Variants in RORB observed in about 807,000 individuals in gnomAD.
RORB encodes RAR related orphan receptor B, also known as nuclear receptor ROR-beta.
RORB carries 6 observed loss-of-function variants against 59.1 expected under a neutral mutation model. The ratio of observed to expected loss-of-function variants is 0.10; its 90% CI spans 0.06 to 0.20. The LOEUF (loss-of-function observed/expected upper bound fraction) is 0.20. Among genes scored for constraint, RORB ranks in the 10% least tolerant of loss-of-function variants. The probability of loss-of-function intolerance (pLI) is 1.00; values close to 1 mark genes in which losing one functional copy is unlikely to be tolerated. For synonymous variants in RORB, 215 were observed against 204.5 expected, an observed-to-expected ratio of 1.05 and a Z score of -0.44; for missense variants, 320 against 560.5, an observed-to-expected ratio of 0.57 and a Z score of 4.33.
chr9:74,662,452 T>A, intron 5 of RORB, 22 bp from the exon 6 acceptor site: 1 of 1,613,246 alleles, frequency 6.2e-7, no homozygotes, highest in Non-Finnish European at 8.5e-7. Context: ...CCTATTTACA[T>A]TCTGTGTCTT....
chr9:74,576,739 C>T (rs750885786), intron 1 of RORB, among the ~76,000 whole-genome samples: 4 of 152,004 alleles, frequency 2.6e-5, no homozygotes, highest in South Asian at 4.1e-4. Flanking sequence ...TTTTTAGTTT[C>T]GTGCTGGTAG....
intron 4 of RORB, among the ~76,000 whole-genome samples, chr9:74,645,959 A>G (rs1587403678): frequency 6.6e-6 from 1 of 152,128 alleles, no homozygotes; most frequent in East Asian, 1.9e-4. Context: ...AGGCACTACA[A>G]ACTGGAGCTT....
At chr9:74,506,130 A>T (rs1291473954) in intron 1 of RORB, among the ~76,000 whole-genome samples, 2 of 151,988 alleles carry the variant, frequency 1.3e-5, no homozygotes, top group Non-Finnish European at 2.9e-5. Context: ...CTATTATCTG[A>T]AAGTAGTGAT....
chr9:74,577,855 C>A (rs1229540103), intron 1 of RORB, among the ~76,000 whole-genome samples: 2 of 152,100 alleles, frequency 1.3e-5, no homozygotes, highest in African/African-American at 4.8e-5. Flanking sequence ...GTAGTAATTG[C>A]TTTTGTTCAA....
chr9:74,583,449 C>G (rs746002370), intron 1 of RORB, among the ~76,000 whole-genome samples: 3 of 151,758 alleles, frequency 2.0e-5, no homozygotes, highest in Non-Finnish European at 4.4e-5. Flanking sequence ...TTATTATATC[C>G]TGAATTTGGG....
At chr9:74,682,621 C>T (rs1008374352) in intron 9 of RORB, among the ~76,000 whole-genome samples, 3 of 152,026 alleles carry the variant, frequency 2.0e-5, no homozygotes, top group Non-Finnish European at 2.9e-5. Context: ...ATTACTTGAC[C>T]CCCACCAAAC....
At chr9:74,511,854 A>G (rs1825944844) in intron 1 of RORB, among the ~76,000 whole-genome samples, 1 of 151,368 alleles carries the variant, frequency 6.6e-6, no homozygotes, top group Non-Finnish European at 1.5e-5. Flanking sequence ...TGCACCAGAC[A>G]CTATCTTAAG....
At chr9:74,616,568 C>A (rs1018068618) in intron 1 of RORB, among the ~76,000 whole-genome samples, 2 of 152,118 alleles carry the variant, frequency 1.3e-5, no homozygotes, top group Non-Finnish European at 2.9e-5. Flanking sequence ...TTTCTGACAT[C>A]AATGGAGTCT....
chr9:74,668,325 T>C (rs940827465), intron 8 of RORB, among the ~76,000 whole-genome samples: 8 of 152,248 alleles, frequency 5.3e-5, no homozygotes, highest in African/African-American at 1.9e-4. Context: ...GAACACTTTC[T>C]ACTCTTTAAA....
chr9:74,564,535 C>A (rs1001333763), intron 1 of RORB, among the ~76,000 whole-genome samples: 5 of 152,174 alleles, frequency 3.3e-5, no homozygotes, highest in African/African-American at 1.2e-4. Context: ...TGCTGAAAAG[C>A]ATTGTACTTG....
intron 1 of RORB, among the ~76,000 whole-genome samples, chr9:74,545,580 A>G (rs1826474366): frequency 6.6e-6 from 1 of 152,214 alleles, no homozygotes. Context: ...AGTACCCTCA[A>G]GAAGAAAAAC....
intron 4 of RORB, among the ~76,000 whole-genome samples, chr9:74,656,886 A>G (rs377467585): frequency 1.3e-5 from 2 of 152,200 alleles, no homozygotes; most frequent in Non-Finnish European, 2.9e-5. Flanking sequence ...GTTTACTCAG[A>G]CATCCCTACT....
intron 1 of RORB, among the ~76,000 whole-genome samples, chr9:74,538,845 T>A (rs1340194015): frequency 2.0e-5 from 3 of 152,094 alleles, no homozygotes; most frequent in Admixed American, 2.0e-4. Context: ...GCATTTCTAA[T>A]CCAAGATTGT....
intron 2 of RORB, among the ~76,000 whole-genome samples, chr9:74,631,433 T>C (rs755512354): frequency 3.4e-4 from 49 of 145,186 alleles, no homozygotes; most frequent in Non-Finnish European, 3.6e-4. Flanking sequence ...GCCAGTAAAC[T>C]GAAGGAAGTG....
rs573515125 is a variant in RORB at position 74,606,833 on chromosome 9, C to T, written c.8-23449C>T. Among the ~76,000 whole-genome samples, 92 of 152,242 alleles carry T rather than the reference C, an allele frequency of 6.0e-4. 1 individual carries two copies. The highest frequency in any genetic ancestry group is 2.0e-3 in the Admixed American group (30 of 15,286). On this transcript the variant is annotated intron_variant, in intron 1 of 9. Transcript: ENST00000376896. ...TTTGTACAGAAAGAAAAGAAACAGACTGAGATCTAAAAAATAGCAATAAAT... is the reference window on the plus strand; with the variant it reads ...TTTGTACAGAAAGAAAAGAAACAGATTGAGATCTAAAAAATAGCAATAAAT...
intron 4 of RORB, among the ~76,000 whole-genome samples, chr9:74,644,671 C>T (rs1057137769): frequency 8.5e-5 from 13 of 152,168 alleles, no homozygotes; most frequent in Non-Finnish European, 1.2e-4. Context: ...AGGCACCTTC[C>T]TTTGCATTTA....
intron 1 of RORB, among the ~76,000 whole-genome samples, chr9:74,562,652 G>A (rs185042437): frequency 2.6e-5 from 4 of 152,260 alleles, no homozygotes; most frequent in Admixed American, 2.6e-4. Context: ...TTGAATGGTG[G>A]GATCATCATT....
chr9:74,580,020 T>C (rs1822697401), intron 1 of RORB, among the ~76,000 whole-genome samples: 1 of 152,210 alleles, frequency 6.6e-6, no homozygotes, highest in Non-Finnish European at 1.5e-5. Context: ...TATTTTATTA[T>C]TGTTGTTTAT....
At chr9:74,567,810 T>G (rs1822491501) in intron 1 of RORB, among the ~76,000 whole-genome samples, 1 of 152,200 alleles carries the variant, frequency 6.6e-6, no homozygotes, top group Non-Finnish European at 1.5e-5. Flanking sequence ...TTCCTTTCAT[T>G]CGAAGGCATT....
Sources: allele counts gnomAD v4.1 joint callset (sites outside exome capture counted in the v4.1 genomes callset), GRCh38; gene constraint gnomAD v4.1.1; transcripts MANE v1.5; gene names NCBI Gene and HGNC (gene_info 2026-07-23, HGNC 2026-07-21).